The following RGS6 variants were observed in gnomAD, a reference collection of about 807,000 sequenced individuals.
RGS6 encodes the protein regulator of G protein signaling 6.
A neutral mutation model predicts 78.5 loss-of-function variants in RGS6; 30 were observed. The ratio of observed to expected loss-of-function variants is 0.38; its 90% CI spans 0.29 to 0.52. RGS6 has a LOEUF of 0.52. Among genes scored for constraint, RGS6 ranks in the 20% least tolerant of loss-of-function variants. RGS6 has a pLI of 0.85. For missense variants in RGS6, 495 were observed against 609.7 expected (o/e 0.81, Z 1.98); for synonymous variants, 206 against 206.0 (o/e 1.00, Z 0.00).
intron 2 of RGS6, among the ~76,000 whole-genome samples, chr14:72,291,800 A>G (rs1302073660): frequency 6.6e-6 from 1 of 152,200 alleles, no homozygotes. Flanking sequence ...GCACGTCAGT[A>G]TAGTTACCGA....
intron 3 of RGS6, among the ~76,000 whole-genome samples, chr14:72,417,922 G>T (rs1261194710): frequency 2.0e-5 from 3 of 152,126 alleles, no homozygotes. Flanking sequence ...GAGAGCTCAG[G>T]CTGTACTTTA....
At chr14:72,508,085 G>A (rs1240590981) in intron 13 of RGS6, among the ~76,000 whole-genome samples, 1 of 152,198 alleles carries the variant, frequency 6.6e-6, no homozygotes, top group African/African-American at 2.4e-5. Flanking sequence ...CTTTGGAAGA[G>A]GTGTTTCATG....
At chr14:72,071,731 A>G (rs1468926745) in intron 2 of RGS6, among the ~76,000 whole-genome samples, 1 of 152,230 alleles carries the variant, frequency 6.6e-6, no homozygotes. Context: ...TAGACTCAGA[A>G]TAGAAATTAG....
At chr14:72,310,612 G>A (rs1372082573) in intron 2 of RGS6, among the ~76,000 whole-genome samples, 1 of 152,194 alleles carries the variant, frequency 6.6e-6, no homozygotes, top group East Asian at 1.9e-4. Context: ...ACAATTTGGT[G>A]GCTAATATGC....
chr14:72,332,554 T>C (rs1343956570), intron 2 of RGS6, among the ~76,000 whole-genome samples: 2 of 152,096 alleles, frequency 1.3e-5, no homozygotes, highest in Non-Finnish European at 2.9e-5. Context: ...CCATGACCAG[T>C]GCTGGAAACC....
At chr14:72,470,108 T>C (rs1393330832) in intron 8 of RGS6, 25 bp downstream of exon 8, 2 of 1,548,054 alleles carry the variant, frequency 1.3e-6, no homozygotes, top group Non-Finnish European at 1.8e-6. Context: ...TAGAGACCTT[T>C]TCAGAGAGGA....
the RGS6 span, among the ~76,000 whole-genome samples, chr14:71,868,069 G>A: frequency 3.8e-3 from 576 of 152,252 alleles, 7 homozygotes; most frequent in African/African-American, 0.013. Context: ...AGGGTCAAAC[G>A]TCCACCGGCT....
At chr14:72,142,725 A>T (rs1567299554) in intron 2 of RGS6, among the ~76,000 whole-genome samples, 1 of 152,220 alleles carries the variant, frequency 6.6e-6, no homozygotes, top group African/African-American at 2.4e-5. Context: ...TCAAGAACCA[A>T]TTTACAACAT....
chr14:72,331,127 G>C (rs2074927519), intron 2 of RGS6, among the ~76,000 whole-genome samples: 1 of 152,202 alleles, frequency 6.6e-6, no homozygotes, highest in Non-Finnish European at 1.5e-5. Context: ...AAGGTCACCT[G>C]GCCAAAAGTG....
intron 2 of RGS6, among the ~76,000 whole-genome samples, chr14:72,131,930 T>A (rs1231655946): frequency 1.3e-5 from 2 of 152,196 alleles, no homozygotes; most frequent in African/African-American, 2.4e-5. Context: ...GGTTGTTTTT[T>A]AAAAATGTAC....
the RGS6 span, chr14:72,619,936 A>G: frequency 6.5e-7 from 1 of 1,535,228 alleles, no homozygotes; most frequent in Non-Finnish European, 8.7e-7. Flanking sequence ...GGATTTAAAC[A>G]GTACATGTGA....
rs1029921551 is a variant in RGS6 at position 72,564,981 on chromosome 14, C to T, written c.*2514C>T. Reference sequence around the variant, plus strand: ...TTTGCAAGAAGGGAGTGGAACGAGGCTGCCTATCCAAGGTCCATCTACCAC... The same window carrying T: ...TTTGCAAGAAGGGAGTGGAACGAGGTTGCCTATCCAAGGTCCATCTACCAC... On this transcript the variant is annotated 3_prime_UTR_variant, in exon 18 of 18. Transcript: ENST00000553525. 11 of 152,312 alleles carry T rather than the reference C, an allele frequency of 7.2e-5. No homozygotes were observed. The highest frequency in any genetic ancestry group is 2.7e-4 in the African/African-American group (11 of 41,452). 9.4% of individuals were successfully genotyped at this position (152,312 alleles called of 1,614,324 possible).
intron 2 of RGS6, among the ~76,000 whole-genome samples, chr14:72,137,356 G>A (rs58069657): frequency 0.29 from 43,432 of 152,104 alleles, 6,768 homozygotes; most frequent in African/African-American, 0.39. Flanking sequence ...ATTCTACACA[G>A]TTCTCCAGCA....
At chr14:71,964,918 C>A in intron 2 of RGS6, 43 bp downstream of exon 2, 1 of 1,488,926 alleles carries the variant, frequency 6.7e-7, no homozygotes, top group Non-Finnish European at 9.3e-7. Context: ...TCCGTGTGGA[C>A]TGTTGTGTTC....
intron 14 of RGS6, among the ~76,000 whole-genome samples, chr14:72,517,866 G>A (rs1007650219): frequency 1.3e-5 from 2 of 152,222 alleles, no homozygotes; most frequent in African/African-American, 4.8e-5. Flanking sequence ...TGGCATGTAT[G>A]TAGCACTGGG....
chr14:72,270,001 C>T (rs2059693620), intron 2 of RGS6, among the ~76,000 whole-genome samples: 1 of 152,112 alleles, frequency 6.6e-6, no homozygotes, highest in Non-Finnish European at 1.5e-5. Context: ...AGGGGGGATA[C>T]AACAAAAAGC....
chr14:72,619,550 G>C, the RGS6 span, among the ~76,000 whole-genome samples: 1 of 152,210 alleles, frequency 6.6e-6, no homozygotes, highest in Non-Finnish European at 1.5e-5. Context: ...AGAGGAGATG[G>C]GCTCAACTCT....
chr14:72,503,740 A>G (rs928725525), intron 13 of RGS6, among the ~76,000 whole-genome samples: 1 of 152,210 alleles, frequency 6.6e-6, no homozygotes, highest in Non-Finnish European at 1.5e-5. Context: ...CCCCACCTCC[A>G]TAGCTCTCCT....
At chr14:72,369,833 A>G (rs1041109548) in intron 3 of RGS6, among the ~76,000 whole-genome samples, 1 of 152,212 alleles carries the variant, frequency 6.6e-6, no homozygotes, top group African/African-American at 2.4e-5. Context: ...AATTAAATCA[A>G]TTAGTTATAA....
Sources: gnomAD v4.1 joint callset for allele counts (sites outside exome capture counted in the v4.1 genomes callset) on GRCh38, gnomAD v4.1.1 for gene constraint, MANE v1.5 for transcripts, NCBI Gene and HGNC (gene_info 2026-07-23, HGNC 2026-07-21) for gene names.